The following FNIP2 variants were observed in gnomAD, a reference collection of about 807,000 sequenced individuals.
The protein encoded by FNIP2 is folliculin-interacting protein 2.
Under a neutral mutation model 108.7 loss-of-function variants are expected in FNIP2, and 32 were observed. That is an observed-to-expected ratio of 0.29 (90% confidence interval 0.22 to 0.40). The LOEUF (loss-of-function observed/expected upper bound fraction) is 0.40. Ranked by LOEUF, FNIP2 falls within the 10% of genes least tolerant of loss-of-function variation. The probability of loss-of-function intolerance (pLI) is 1.00; values close to 1 mark genes in which losing one functional copy is unlikely to be tolerated. For synonymous variants in FNIP2, 480 were observed against 496.7 expected (o/e 0.97, Z 0.45); for missense variants, 1,202 against 1,381.6 (o/e 0.87, Z 2.06).
At chr4:158,826,532 C>A (rs1299367905) in intron 2 of FNIP2, among the ~76,000 whole-genome samples, 4 of 152,186 alleles carry the variant, frequency 2.6e-5, no homozygotes, top group African/African-American at 9.6e-5. Flanking sequence ...GCATTGTTAT[C>A]TTCAAAAAGG....
At chr4:158,841,883 C>A (rs2126625901) in intron 7 of FNIP2, among the ~76,000 whole-genome samples, 1 of 152,344 alleles carries the variant, frequency 6.6e-6, no homozygotes, top group South Asian at 2.1e-4. Flanking sequence ...TGGTGTTGTC[C>A]TTTTTGATGT....
At chr4:158,876,853 G>T (rs1420612358) in intron 14 of FNIP2, among the ~76,000 whole-genome samples, 1 of 152,220 alleles carries the variant, frequency 6.6e-6, no homozygotes, top group Non-Finnish European at 1.5e-5. Flanking sequence ...AAGGGGAAGA[G>T]TAAGATGTTT....
At position 158,891,557 on chromosome 4, in the gene FNIP2, C is replaced by A; in HGVS notation, c.3061C>A (p.Leu1021Ile). 2 of 1,612,216 alleles carry A rather than the reference C, an allele frequency of 1.2e-6. No homozygotes were observed. Among genetic ancestry groups the A allele is most frequent in the Non-Finnish European group, 1.7e-6 (2 of 1,179,102 alleles). The change falls in exon 15 of 17, where the codon CTA becomes ATA. Residue 1021 changes from leucine (L) to isoleucine (I), a missense_variant. By Grantham distance (5) the Leu-to-Ile change is conservative (BLOSUM62 2). Coordinates refer to ENST00000264433, the MANE Select transcript of FNIP2 (RefSeq NM_020840.3). ...GAGGAAAGTGACGGACAACATGAAA[C>A]TAGGCCAGGATGTCCTGGTCTCTAG... ...SQRKVTDNMK[L>I]GQDVLVSSQV... is the part of the protein sequence containing the mutation.
intron 1 of FNIP2, among the ~76,000 whole-genome samples, chr4:158,788,265 G>A (rs1039465008): frequency 5.9e-5 from 9 of 152,184 alleles, no homozygotes; most frequent in Non-Finnish European, 2.9e-5. Flanking sequence ...CAGACTCATT[G>A]CACTGAGCAC....
intron 2 of FNIP2, among the ~76,000 whole-genome samples, chr4:158,828,640 C>A (rs1778291145): frequency 6.6e-6 from 1 of 152,018 alleles, no homozygotes; most frequent in South Asian, 2.1e-4. Flanking sequence ...AACAAAAAAC[C>A]CTACGAGCCA....
chr4:158,827,611 T>G (rs1371069430), intron 2 of FNIP2, among the ~76,000 whole-genome samples: 2 of 152,200 alleles, frequency 1.3e-5, no homozygotes, highest in Non-Finnish European at 2.9e-5. Flanking sequence ...TCTAGCAGTC[T>G]GAAGCAGTGG....
At chr4:158,818,252 C>T (rs1230430455) in intron 1 of FNIP2, among the ~76,000 whole-genome samples, 1 of 152,200 alleles carries the variant, frequency 6.6e-6, no homozygotes, top group Non-Finnish European at 1.5e-5. Flanking sequence ...CTACCATTTA[C>T]ATATTGTTTT....
At position 158,894,170 on chromosome 4, in the gene FNIP2, C is replaced by CTT. The variant is rs5863337; in HGVS notation, c.3151-1563_3151-1562dup. Among the ~76,000 whole-genome samples, 360 of 127,448 alleles carry CTT rather than the reference C, an allele frequency of 2.8e-3. 3 individuals carry two copies. Among genetic ancestry groups the CTT allele is most frequent in the Middle Eastern group, 8.0e-3 (2 of 250 alleles). 83.6% of individuals were successfully genotyped at this position (127,448 alleles called of 152,430 possible). ...AATCAAGTCTTTTAAAAAATGTTTT[C>CTT]TTTTTTTTTTTTTTTTTTGAGACAG... On this transcript the variant is annotated intron_variant, in intron 15 of 16. Coordinates refer to ENST00000264433, the MANE Select transcript of FNIP2 (RefSeq NM_020840.3).
chr4:158,869,038 G>A lies in FNIP2; in HGVS notation c.2402G>A (p.Ser801Asn). ...SDKGFAEDRG[S>N]RNDMAADIAG... ...AAGGGTTTTGCAGAGGACAGAGGCA[G>A]CAGAAACGACATGGCAGCAGATATT... is the stretch of plus-strand genomic sequence containing the variant. Residue 801 changes from serine (S) to asparagine (N), a missense_variant, in exon 13 of 17, where the codon AGC (serine) becomes AAC (asparagine). Around this residue, in one of 5 missense-constraint regions of FNIP2, gnomAD observed 878 missense variants for 990.3 expected, o/e 0.89. Transcript: ENST00000264433. 1.9e-6 allele frequency: 3 copies of A among 1,614,040 alleles called. No homozygotes were observed. The highest frequency in any genetic ancestry group is 1.3e-5 in the African/African-American group (1 of 75,048).
chr4:158,872,461 C>G (rs1781006176), intron 14 of FNIP2: 1 of 985,284 alleles, frequency 1.0e-6, no homozygotes, highest in African/African-American at 1.7e-5. Context: ...TAGCTTTTCT[C>G]ATTTCTTTAT....
chr4:158,868,838 C>T lies in FNIP2; in HGVS notation c.2202C>T (p.Arg734=). Reference sequence around the variant, plus strand: ...CTCCAGAGTCTGACTTTGAAAGCCGCATGAAAAAAATGGAGGAACGGGTGA... The same window carrying T: ...CTCCAGAGTCTGACTTTGAAAGCCGTATGAAAAAAATGGAGGAACGGGTGA... ...FASPESDFES[R]MKKMEERVKA... is the part of the protein sequence containing the mutation. The change falls in exon 13 of 17, where the codon CGC becomes CGT. Residue 734 remains arginine (R), a synonymous_variant. Transcript: ENST00000264433. The surrounding 1 kb of genome is among the most constrained non-coding windows in gnomAD (Gnocchi z 4.6). 3 of 1,613,728 alleles carry T rather than the reference C, an allele frequency of 1.9e-6. No homozygotes were observed. The highest frequency in any genetic ancestry group is 2.5e-6 in the Non-Finnish European group (3 of 1,179,852).
intron 1 of FNIP2, among the ~76,000 whole-genome samples, chr4:158,797,618 C>T (rs1301613041): frequency 3.9e-5 from 6 of 152,076 alleles, no homozygotes; most frequent in African/African-American, 9.7e-5. Context: ...GAGGATTGTT[C>T]GAGCCTAGAG....
chr4:158,818,985 A>C (rs1027218427), intron 1 of FNIP2, among the ~76,000 whole-genome samples: 1 of 152,192 alleles, frequency 6.6e-6, no homozygotes, highest in Non-Finnish European at 1.5e-5. Flanking sequence ...AACTGTGTGG[A>C]CTTGACCTCT....
At chr4:158,805,415 T>C (rs1458503266) in intron 1 of FNIP2, among the ~76,000 whole-genome samples, 1 of 152,254 alleles carries the variant, frequency 6.6e-6, no homozygotes, top group Non-Finnish European at 1.5e-5. Context: ...TGAAGAATAT[T>C]AGTGTCAGAA....
chr4:158,871,673 T>C (rs1780956463), intron 14 of FNIP2: 1 of 985,278 alleles, frequency 1.0e-6, no homozygotes. Context: ...ACCCCTGCTT[T>C]GTGGTCACAT....
intron 1 of FNIP2, among the ~76,000 whole-genome samples, chr4:158,775,233 A>C (rs1775821102): frequency 6.6e-6 from 1 of 152,144 alleles, no homozygotes; most frequent in African/African-American, 2.4e-5. Context: ...GTGGGTGAAA[A>C]GGAACAAATG....
intron 1 of FNIP2, among the ~76,000 whole-genome samples, chr4:158,771,258 G>A (rs1199622060): frequency 6.6e-6 from 1 of 152,198 alleles, no homozygotes; most frequent in Non-Finnish European, 1.5e-5. Flanking sequence ...GGAAAAGAAA[G>A]TAAAGTAGCA....
rs147156692 is a variant in FNIP2, at chr4:158,865,105, G to A, written c.1466-2997G>A. ...TTTGGCCTATTTCACTTGGAAGCAC[G>A]CTTGACTCCTTCACTTTTTCTTCTG... On this transcript the variant is annotated intron_variant, in intron 12 of 16. Coordinates refer to ENST00000264433, the MANE Select transcript of FNIP2 (RefSeq NM_020840.3). Among the ~76,000 whole-genome samples, 645 of 152,140 alleles carry A rather than the reference G, an allele frequency of 4.2e-3. 3 individuals carry two copies. The highest frequency in any genetic ancestry group is 0.031 in the Middle Eastern group (9 of 294).
intron 1 of FNIP2, among the ~76,000 whole-genome samples, chr4:158,804,821 C>T (rs1449990779): frequency 1.3e-5 from 2 of 152,178 alleles, no homozygotes; most frequent in African/African-American, 2.4e-5. Context: ...CAGTTCTAAG[C>T]TCAAAATGTG....
Sources: allele counts gnomAD v4.1 joint callset (sites outside exome capture counted in the v4.1 genomes callset), GRCh38; gene constraint gnomAD v4.1.1; regional missense constraint gnomAD v4.1.1; non-coding constraint Gnocchi (gnomAD v3.1); transcripts MANE v1.5; gene names NCBI Gene and HGNC (gene_info 2026-07-23, HGNC 2026-07-21).